The following GRB14 variants were observed in gnomAD, a reference collection of about 807,000 sequenced individuals.
GRB14 encodes growth factor receptor bound protein 14.
GRB14 carries 38 observed loss-of-function variants against 69.1 expected under a neutral mutation model. The ratio of observed to expected loss-of-function variants is 0.55; its 90% CI spans 0.42 to 0.72. The LOEUF (loss-of-function observed/expected upper bound fraction) is 0.72. Ranked by LOEUF, GRB14 falls within the 30% of genes least tolerant of loss-of-function variation. GRB14 has a pLI of 0.00. For synonymous variants in GRB14, 247 were observed against 241.3 expected, an observed-to-expected ratio of 1.02 and a Z score of -0.22; for missense variants, 666 against 666.1, an observed-to-expected ratio of 1.00 and a Z score of 0.00.
intron 2 of GRB14, among the ~76,000 whole-genome samples, chr2:164,613,686 T>C (rs1405927320): frequency 1.3e-5 from 2 of 152,264 alleles, no homozygotes; most frequent in African/African-American, 4.8e-5. Context: ...TGATTTTTGC[T>C]GACTTTCTTG....
intron 2 of GRB14, among the ~76,000 whole-genome samples, chr2:164,588,514 G>C (rs944946250): frequency 2.0e-5 from 3 of 152,164 alleles, no homozygotes; most frequent in African/African-American, 7.2e-5. Context: ...AGAGAGAAAA[G>C]TACTCTTAAC....
chr2:164,616,590 T>C (rs907448279), intron 2 of GRB14, among the ~76,000 whole-genome samples: 1 of 152,176 alleles, frequency 6.6e-6, no homozygotes, highest in African/African-American at 2.4e-5. Context: ...ACTTTACCAC[T>C]CATGCATTAT....
chr2:164,526,236 T>A (rs915677996), intron 4 of GRB14, among the ~76,000 whole-genome samples: 3 of 152,100 alleles, frequency 2.0e-5, no homozygotes, highest in Non-Finnish European at 4.4e-5. Flanking sequence ...GTGTATCATA[T>A]ATTTTTCATA....
At chr2:164,576,015 T>C (rs925893840) in intron 2 of GRB14, among the ~76,000 whole-genome samples, 3 of 152,038 alleles carry the variant, frequency 2.0e-5, no homozygotes. Context: ...GAACCCTCTA[T>C]AACCAAGTGT....
At chr2:164,576,387 C>T (rs1258058051) in intron 2 of GRB14, among the ~76,000 whole-genome samples, 2 of 150,720 alleles carry the variant, frequency 1.3e-5, no homozygotes, top group African/African-American at 4.9e-5. Flanking sequence ...AGAGAATATC[C>T]CTTCTGTTTA....
intron 3 of GRB14, among the ~76,000 whole-genome samples, chr2:164,545,259 A>G (rs1688345197): frequency 6.6e-6 from 1 of 152,234 alleles, no homozygotes; most frequent in Non-Finnish European, 1.5e-5. Flanking sequence ...GGCAGGCTGA[A>G]CTATAGCCCC....
intron 3 of GRB14, among the ~76,000 whole-genome samples, chr2:164,543,693 A>T (rs1484746739): frequency 6.6e-6 from 1 of 152,212 alleles, no homozygotes; most frequent in African/African-American, 2.4e-5. Flanking sequence ...CTGTAGCTGC[A>T]TATCACATTT....
chr2:164,583,827 T>C (rs549110965), intron 2 of GRB14, among the ~76,000 whole-genome samples: 2 of 152,250 alleles, frequency 1.3e-5, no homozygotes, highest in African/African-American at 4.8e-5. Flanking sequence ...ACTGTAAACA[T>C]TGCGGAAAAG....
intron 2 of GRB14, among the ~76,000 whole-genome samples, chr2:164,555,172 C>T (rs1688646444): frequency 6.6e-6 from 1 of 152,200 alleles, no homozygotes; most frequent in South Asian, 2.1e-4. Context: ...CTCCTCCTTG[C>T]TGACTCCAAG....
intron 2 of GRB14, among the ~76,000 whole-genome samples, chr2:164,556,926 C>CAGTATT (rs1188360896): frequency 4.6e-5 from 6 of 131,656 alleles, no homozygotes; most frequent in Admixed American, 3.0e-4. Flanking sequence ...CTGTATGAGA[C>CAGTATT]AGTATTAGTG....
chr2:164,548,203 T>A (rs1688436009), intron 2 of GRB14, among the ~76,000 whole-genome samples: 1 of 152,204 alleles, frequency 6.6e-6, no homozygotes, highest in South Asian at 2.1e-4. Flanking sequence ...TTGTTCTCTA[T>A]CTCTGCATAT....
chr2:164,527,188 T>A (rs1574273163), intron 3 of GRB14, 53 bp from the exon 4 acceptor site: 1 of 60,984 alleles, frequency 1.6e-5, no homozygotes. Flanking sequence ...TATATATATA[T>A]ATATATATAT....
chr2:164,522,765 C>G (rs1056646427), intron 5 of GRB14, among the ~76,000 whole-genome samples: 7 of 152,040 alleles, frequency 4.6e-5, no homozygotes, highest in Non-Finnish European at 8.8e-5. Context: ...TGTCTTCCAT[C>G]CCACATGCTC....
chr2:164,509,781 G>A (rs1687289664), intron 6 of GRB14, among the ~76,000 whole-genome samples: 1 of 107,076 alleles, frequency 9.3e-6, no homozygotes, highest in African/African-American at 3.6e-5. Flanking sequence ...AGTAAAATTT[G>A]AGAAGCAGTG....
chr2:164,496,796 T>G (rs1469872057), intron 12 of GRB14, among the ~76,000 whole-genome samples: 1 of 152,168 alleles, frequency 6.6e-6, no homozygotes, highest in African/African-American at 2.4e-5. Context: ...CCGTTATTTG[T>G]CCATTTATAT....
At chr2:164,610,886 A>AC (rs1433727988) in intron 2 of GRB14, among the ~76,000 whole-genome samples, 6 of 144,736 alleles carry the variant, frequency 4.1e-5, no homozygotes, top group Admixed American at 7.2e-5. Context: ...AAAAAAAAAA[A>AC]AAAACAGGCT....
At chr2:164,516,891 G>A (rs775847449) in intron 6 of GRB14, among the ~76,000 whole-genome samples, 57 of 152,218 alleles carry the variant, frequency 3.7e-4, no homozygotes, top group Non-Finnish European at 6.5e-4. Flanking sequence ...TGGCATGGTG[G>A]TCCTTGCCTG....
intron 2 of GRB14, among the ~76,000 whole-genome samples, chr2:164,613,646 A>G (rs533877698): frequency 6.6e-6 from 1 of 152,342 alleles, no homozygotes; most frequent in South Asian, 2.1e-4. Context: ...TGGGAGAACA[A>G]AAGAGAGAGA....
At chr2:164,589,757 A>C (rs965708449) in intron 2 of GRB14, among the ~76,000 whole-genome samples, 1 of 152,118 alleles carries the variant, frequency 6.6e-6, no homozygotes, top group Non-Finnish European at 1.5e-5. Flanking sequence ...TAACCACAGA[A>C]CTCTTATTCC....
Sources: gnomAD v4.1 joint callset for allele counts (sites outside exome capture counted in the v4.1 genomes callset) on GRCh38, gnomAD v4.1.1 for gene constraint, MANE v1.5 for transcripts, NCBI Gene and HGNC (gene_info 2026-07-23, HGNC 2026-07-21) for gene names.